Variants in GABRB1 observed in about 807,000 individuals in gnomAD.
GABRB1 encodes gamma-aminobutyric acid type A receptor subunit beta1, also known as gamma-aminobutyric acid receptor subunit beta-1.
A neutral mutation model predicts 51.6 loss-of-function variants in GABRB1; 17 were observed. The ratio of observed to expected loss-of-function variants is 0.33; its 90% CI spans 0.23 to 0.49. The LOEUF is 0.49. Ranked by LOEUF, GABRB1 falls within the 20% of genes least tolerant of loss-of-function variation. GABRB1 has a pLI of 0.99. For missense variants in GABRB1, 410 were observed against 600.6 expected (o/e 0.68, Z 3.32); for synonymous variants, 247 against 218.9 (o/e 1.13, Z -1.14).
chr4:47,395,457 TC>T (rs1457891100), intron 5 of GABRB1, among the ~76,000 whole-genome samples: 1 of 152,048 alleles, frequency 6.6e-6, no homozygotes, highest in Non-Finnish European at 1.5e-5. Flanking sequence ...TCCAATCACC[TC>T]TCACCAGGCC....
intron 7 of GABRB1, among the ~76,000 whole-genome samples, chr4:47,404,930 G>C (rs929313130): frequency 6.6e-6 from 1 of 152,138 alleles, no homozygotes; most frequent in Non-Finnish European, 1.5e-5. Context: ...GGAGATATTA[G>C]AGATGTCAGT....
chr4:47,106,542 C>G (rs1442147593), intron 3 of GABRB1, among the ~76,000 whole-genome samples: 2 of 151,982 alleles, frequency 1.3e-5, no homozygotes, highest in Non-Finnish European at 2.9e-5. Flanking sequence ...TCCATTAAGA[C>G]TAAAGTTTTT....
chr4:47,301,984 C>T (rs542701487), intron 4 of GABRB1, among the ~76,000 whole-genome samples: 1 of 152,120 alleles, frequency 6.6e-6, no homozygotes, highest in Non-Finnish European at 1.5e-5. Context: ...AAATCTTTCA[C>T]AATTTTTTTT....
chr4:47,051,668 A>G (rs1232049197), intron 3 of GABRB1, among the ~76,000 whole-genome samples: 1 of 152,190 alleles, frequency 6.6e-6, no homozygotes, highest in African/African-American at 2.4e-5. Context: ...CAGAATGATA[A>G]TAAGAGTTCA....
chr4:47,237,419 T>A (rs1459990804), intron 4 of GABRB1, among the ~76,000 whole-genome samples: 2 of 152,010 alleles, frequency 1.3e-5, no homozygotes, highest in Non-Finnish European at 2.9e-5. Context: ...AAGTATTGAC[T>A]ACCACAATGA....
At chr4:47,352,995 A>C (rs1041625252) in intron 5 of GABRB1, among the ~76,000 whole-genome samples, 6 of 152,226 alleles carry the variant, frequency 3.9e-5, no homozygotes, top group African/African-American at 1.4e-4. Flanking sequence ...ACAGTTCCAC[A>C]TGGTTGGGGA....
intron 3 of GABRB1, among the ~76,000 whole-genome samples, chr4:47,143,758 T>C (rs1460249969): frequency 6.6e-6 from 1 of 151,898 alleles, no homozygotes; most frequent in African/African-American, 2.4e-5. Context: ...TTAATAATAA[T>C]AATAGTAGAG....
intron 3 of GABRB1, among the ~76,000 whole-genome samples, chr4:47,157,996 A>G (rs755563952): frequency 6.6e-6 from 1 of 152,098 alleles, no homozygotes; most frequent in Non-Finnish European, 1.5e-5. Context: ...TATAACCACG[A>G]TATAATTTTT....
At chr4:47,414,341 A>G (rs1728849272) in intron 8 of GABRB1, among the ~76,000 whole-genome samples, 1 of 152,222 alleles carries the variant, frequency 6.6e-6, no homozygotes, top group Non-Finnish European at 1.5e-5. Flanking sequence ...ATCAATCAAC[A>G]TATGTAAGAT....
chr4:47,157,021 A>G (rs1717736970), intron 3 of GABRB1, among the ~76,000 whole-genome samples: 1 of 152,076 alleles, frequency 6.6e-6, no homozygotes, highest in Non-Finnish European at 1.5e-5. Flanking sequence ...ATTGAGTGCT[A>G]CTGGTTTGGT....
rs1445524641 is a variant in GABRB1 at position 47,077,970 on chromosome 4, T to C, written c.240+45486T>C. Reference sequence around the variant, plus strand: ...TATATTATATATTTTATATATATATTTTATATATAATATATAATATATAAT... The same window carrying C: ...TATATTATATATTTTATATATATATCTTATATATAATATATAATATATAAT... On this transcript the variant is annotated intron_variant, in intron 3 of 8. Coordinates refer to ENST00000295454, the MANE Select transcript of GABRB1 (RefSeq NM_000812.4). Among the ~76,000 whole-genome samples, 10 of 101,064 alleles carry C rather than the reference T, an allele frequency of 9.9e-5. No homozygotes were observed. The East Asian group carries it at 2.8e-3, about 28-fold the overall frequency. The allele number at this position is 101,064 out of a possible 152,430, so 66.3% of individuals were successfully genotyped here.
chr4:47,127,184 A>G lies in GABRB1; in HGVS notation c.241-34065A>G, dbSNP rs529954485. ...CTTTTTTGGATTAAATCTTTATAATATTAATAATGAGAATAGTAGACTGAA... is the reference window on the plus strand; with the variant it reads ...CTTTTTTGGATTAAATCTTTATAATGTTAATAATGAGAATAGTAGACTGAA... On this transcript the variant is annotated intron_variant, in intron 3 of 8. Transcript: ENST00000295454. Among the ~76,000 whole-genome samples the G allele has an allele frequency of 7.2e-5, 11 of 151,960 alleles. No homozygotes were observed. In the South Asian group the frequency reaches 1.9e-3, roughly 26 times the overall value.
At chr4:47,219,850 CAAT>C (rs528589673) in intron 4 of GABRB1, among the ~76,000 whole-genome samples, 2 of 151,908 alleles carry the variant, frequency 1.3e-5, no homozygotes, top group African/African-American at 4.8e-5. Context: ...TTCTCATCAA[CAAT>C]GAGACTGGAT....
rs544220636 is a variant in GABRB1 at position 47,254,515 on chromosome 4, G to A, written c.462-65612G>A. Among the ~76,000 whole-genome samples, 8 of 151,626 alleles carry A rather than the reference G, an allele frequency of 5.3e-5. No homozygotes were observed. The South Asian group carries it at 8.4e-4, about 16-fold the overall frequency. On this transcript the variant is annotated intron_variant, in intron 4 of 8. Coordinates refer to ENST00000295454, the MANE Select transcript of GABRB1 (RefSeq NM_000812.4). The stretch of plus-strand genomic sequence containing the variant: ...GGAGTAGCTGGGACTACAGGTGCCC[G>A]CCACCATGCCCGGCTGATTTGTGTG...
At position 47,161,291 on chromosome 4, in the gene GABRB1, A is replaced by G; in HGVS notation, c.283A>G (p.Lys95Glu). The G allele has an allele frequency of 6.2e-7, 1 of 1,612,216 alleles. No homozygotes were observed. Among genetic ancestry groups the G allele is most frequent in the Non-Finnish European group, 8.5e-7 (1 of 1,179,060 alleles). Residue 95 changes from lysine (K) to glutamate (E), a missense_variant, in exon 4 of 9, where the codon AAA becomes GAA. By Grantham distance (56) the Lys-to-Glu change is moderately conservative. Around this residue, in one of 5 missense-constraint regions of GABRB1, gnomAD observed 100 missense variants for 184.3 expected, o/e 0.54. Coordinates refer to ENST00000295454, the MANE Select transcript of GABRB1 (RefSeq NM_000812.4). Reference protein sequence around the residue: ...TMYFQQSWKDKRLSYSGIPLN... With the variant: ...TMYFQQSWKDERLSYSGIPLN... ...GTATTTCCAGCAGTCTTGGAAAGAC[A>G]AAAGGCTTTCTTATTCTGGAATCCC...
At chr4:47,043,933 G>T (rs1029766596) in intron 3 of GABRB1, among the ~76,000 whole-genome samples, 2 of 152,096 alleles carry the variant, frequency 1.3e-5, no homozygotes, top group Non-Finnish European at 2.9e-5. Flanking sequence ...GAGAGAACAG[G>T]TTTGCTTATG....
At chr4:47,008,218 G>A (rs1226227013) in intron 1 of GABRB1, among the ~76,000 whole-genome samples, 11 of 152,094 alleles carry the variant, frequency 7.2e-5, no homozygotes, top group African/African-American at 2.4e-4. Flanking sequence ...AATACAGGAA[G>A]TTGGAGGGCA....
intron 4 of GABRB1, among the ~76,000 whole-genome samples, chr4:47,266,099 T>G (rs1276863360): frequency 6.6e-6 from 1 of 152,150 alleles, no homozygotes; most frequent in Non-Finnish European, 1.5e-5. Context: ...CTTGAATTTA[T>G]CTTGAATTAT....
chr4:47,244,418 C>T (rs1721659950), intron 4 of GABRB1, among the ~76,000 whole-genome samples: 1 of 152,086 alleles, frequency 6.6e-6, no homozygotes, highest in African/African-American at 2.4e-5. Flanking sequence ...AGAGAGGATT[C>T]CCTCTTTTTC....
Sources: allele counts gnomAD v4.1 joint callset (sites outside exome capture counted in the v4.1 genomes callset), GRCh38; gene constraint gnomAD v4.1.1; regional missense constraint gnomAD v4.1.1; transcripts MANE v1.5; gene names NCBI Gene and HGNC (gene_info 2026-07-23, HGNC 2026-07-21).